The following PTPRN2 variants were observed in gnomAD, a reference collection of about 807,000 sequenced individuals.
PTPRN2 encodes the protein receptor-type tyrosine-protein phosphatase N2.
PTPRN2 carries 74 observed loss-of-function variants against 118.8 expected under a neutral mutation model. That is an observed-to-expected ratio of 0.62 (90% CI 0.52 to 0.76). The LOEUF (loss-of-function observed/expected upper bound fraction) is 0.76, where lower values mean the gene tolerates loss of function less well. Ranked by LOEUF, PTPRN2 falls within the 30% of genes least tolerant of loss-of-function variation. The pLI is 0.00. For missense variants in PTPRN2, 1,481 were observed against 1,394.4 expected (o/e 1.06, Z -0.99); for synonymous variants, 641 against 608.0 (o/e 1.05, Z -0.80).
chr7:158,167,136 A>G lies in PTPRN2; in HGVS notation c.705T>C (p.Ser235=), dbSNP rs769335950. ...CCATCAGATGGTGTCTGTCCACACC[A>G]CTGTCCACCTTAGGGCTGAGCTCAT... The part of the protein sequence containing the change: ...QPDELSPKVD[S]GVDRHHLMAA... Residue 235 remains serine (S), a synonymous_variant, in exon 6 of 23, where the codon AGT becomes AGC. Coordinates refer to ENST00000389418, the MANE Select transcript of PTPRN2 (RefSeq NM_002847.5). 6.5e-5 allele frequency: 105 copies of G among 1,613,848 alleles called. No homozygotes were observed. Among genetic ancestry groups the G allele is most frequent in the Middle Eastern group, 1.6e-4 (1 of 6,082 alleles).
rs78741215 is a variant in PTPRN2 at position 157,903,725 on chromosome 7, G to A, written c.1724-4988C>T. On this transcript the variant is annotated intron_variant, in intron 11 of 22. Transcript: ENST00000389418. This position sits in a 1 kb window ranked among gnomAD's most constrained non-coding sequence, Gnocchi z 4.2. ...TCTCGAGCTAATCTGAGACTGCAGT[G>A]TAAGTCAAAATCGAAGTCACAGAGT... 0.012 allele frequency among the ~76,000 whole-genome samples: 1,813 copies of A among 151,906 alleles called. 148 individuals are homozygous for A. The East Asian group carries it at 0.23, about 20-fold the overall frequency.
At chr7:157,889,132 A>G (rs995095) in intron 12 of PTPRN2, among the ~76,000 whole-genome samples, 129,277 of 152,160 alleles carry the variant, frequency 0.85, 55,083 homozygotes, top group East Asian at 1. Flanking sequence ...AATAAAGTCC[A>G]AAGCCCCAAC....
intron 6 of PTPRN2, among the ~76,000 whole-genome samples, chr7:158,153,948 G>A (rs917212736): frequency 1.3e-5 from 2 of 151,954 alleles, no homozygotes; most frequent in Non-Finnish European, 2.9e-5. Flanking sequence ...GGACATGGGG[G>A]GACAGAAAGA....
chr7:158,143,254 G>A (rs1819555191), intron 6 of PTPRN2, among the ~76,000 whole-genome samples: 2 of 152,214 alleles, frequency 1.3e-5, no homozygotes, highest in Non-Finnish European at 2.9e-5. Flanking sequence ...CCACAGGCAA[G>A]AGCCTGAGTT....
At chr7:157,800,851 C>T (rs1805230003) in intron 12 of PTPRN2, among the ~76,000 whole-genome samples, 1 of 151,796 alleles carries the variant, frequency 6.6e-6, no homozygotes. Flanking sequence ...ACTCAGGAGG[C>T]TGAGGCAGGA....
chr7:158,479,888 A>C (rs1339537023), intron 2 of PTPRN2, among the ~76,000 whole-genome samples: 1 of 152,236 alleles, frequency 6.6e-6, no homozygotes, highest in Non-Finnish European at 1.5e-5. Context: ...CTGCTGTGGG[A>C]GCGGGGGCTC....
intron 12 of PTPRN2, among the ~76,000 whole-genome samples, chr7:157,743,462 C>T (rs1800751290): frequency 6.6e-6 from 1 of 152,232 alleles, no homozygotes; most frequent in Non-Finnish European, 1.5e-5. Context: ...CGGGATAGGC[C>T]ACATTACCCT....
At chr7:157,909,583 G>A (rs937747083) in intron 11 of PTPRN2, among the ~76,000 whole-genome samples, 1 of 152,214 alleles carries the variant, frequency 6.6e-6, no homozygotes, top group African/African-American at 2.4e-5. Context: ...AGCGCGGGAC[G>A]CCCCGGCCAG....
intron 2 of PTPRN2, among the ~76,000 whole-genome samples, chr7:158,329,831 T>G (rs186232988): frequency 2.0e-4 from 31 of 152,276 alleles, no homozygotes; most frequent in African/African-American, 7.5e-4. Flanking sequence ...CTGTGTCCTC[T>G]ACGGAGACTC....
At chr7:158,373,030 C>T (rs369182102) in intron 2 of PTPRN2, among the ~76,000 whole-genome samples, 220 of 152,302 alleles carry the variant, frequency 1.4e-3, no homozygotes, top group Non-Finnish European at 2.3e-3. Flanking sequence ...CCAGAGGATG[C>T]GCTGCACAGG....
At chr7:157,688,809 C>T (rs970805494) in intron 12 of PTPRN2, among the ~76,000 whole-genome samples, 2 of 152,330 alleles carry the variant, frequency 1.3e-5, no homozygotes, top group Non-Finnish European at 2.9e-5. Context: ...CGTTCGGCCC[C>T]GTCCCCTGCC....
chr7:158,312,761 A>C (rs1801953418), intron 3 of PTPRN2, among the ~76,000 whole-genome samples: 1 of 136,490 alleles, frequency 7.3e-6, no homozygotes, highest in Non-Finnish European at 1.6e-5. Flanking sequence ...TCACGTGCTC[A>C]TGTGTAGATA....
In PTPRN2 at chr7:157,549,061, T is replaced by C. The variant is rs757277377; in HGVS notation, c.2903-42A>G. 5.1e-6 allele frequency: 8 copies of C among 1,573,606 alleles called. No homozygotes were observed. In the South Asian group the frequency reaches 6.6e-5, roughly 13 times the overall value. ...ATTGGGCTGAGTTCAGAGCACAAGA[T>C]AATCCATGCCACATCTGTCAATCTC... On this transcript the variant is annotated intron_variant, in intron 21 of 22. Coordinates refer to ENST00000389418, the MANE Select transcript of PTPRN2 (RefSeq NM_002847.5).
At chr7:157,623,670 T>C (rs1010733770) in intron 14 of PTPRN2, among the ~76,000 whole-genome samples, 1 of 152,214 alleles carries the variant, frequency 6.6e-6, no homozygotes, top group Non-Finnish European at 1.5e-5. Context: ...AAACTGAGCC[T>C]GTGTGGCCCA....
At chr7:158,419,741 G>C (rs961936435) in intron 2 of PTPRN2, among the ~76,000 whole-genome samples, 7 of 152,200 alleles carry the variant, frequency 4.6e-5, no homozygotes, top group African/African-American at 1.7e-4. Flanking sequence ...GGATTTCTAA[G>C]ATCACACGTG....
At chr7:158,260,056 C>A (rs949296649) in intron 3 of PTPRN2, among the ~76,000 whole-genome samples, 1 of 152,164 alleles carries the variant, frequency 6.6e-6, no homozygotes, top group African/African-American at 2.4e-5. Context: ...CATGTGTGTG[C>A]ATGCACATAT....
At chr7:158,395,298 T>TGAGGGGC (rs1563239747) in intron 2 of PTPRN2, among the ~76,000 whole-genome samples, 6 of 19,304 alleles carry the variant, frequency 3.1e-4, no homozygotes, top group Non-Finnish European at 5.7e-4. Context: ...GGGTGAGGGG[T>TGAGGGGC]GAGGGGCGAG....
rs1355133481 is a variant in PTPRN2 at position 157,617,022 on chromosome 7, G to A, written c.2344+4340C>T. 6.6e-6 allele frequency: 1 copy of A among 152,272 alleles called. No homozygotes were observed. The highest frequency in any genetic ancestry group is 1.5e-5 in the Non-Finnish European group (1 of 68,054). 9.4% of individuals were successfully genotyped at this position (152,272 alleles called of 1,614,324 possible). A position where few individuals can be genotyped will look rare whatever the true frequency, so the allele number is the denominator to read the frequency against. On this transcript the variant is annotated intron_variant, in intron 15 of 22. Transcript: ENST00000389418. The surrounding 1 kb of genome is among the most constrained non-coding windows in gnomAD (Gnocchi z 7.5). ...TCCCAACACACACGCACAATCTCAG[G>A]TGAGCCCAAGACAGCCTATGAGGAT...
intron 3 of PTPRN2, among the ~76,000 whole-genome samples, chr7:158,249,895 G>A (rs1289552972): frequency 2.0e-5 from 3 of 152,128 alleles, no homozygotes; most frequent in Admixed American, 6.5e-5. Context: ...TGTGCACAAC[G>A]ACCCGTGCAG....
Sources: gnomAD v4.1 joint callset for allele counts (sites outside exome capture counted in the v4.1 genomes callset) on GRCh38, gnomAD v4.1.1 for gene constraint, Gnocchi (gnomAD v3.1) non-coding constraint, MANE v1.5 for transcripts, NCBI Gene and HGNC (gene_info 2026-07-23, HGNC 2026-07-21) for gene names.